Variants in OXR1 observed in about 807,000 individuals in gnomAD.
The protein encoded by OXR1 is oxidation resistance protein 1.
A neutral mutation model predicts 104.6 loss-of-function variants in OXR1; 41 were observed. That is an observed-to-expected ratio of 0.39 (90% CI 0.31 to 0.51). The LOEUF is 0.51. Among genes scored for constraint, OXR1 ranks in the 20% least tolerant of loss-of-function variants. OXR1 has a pLI of 0.77. For synonymous variants in OXR1, 348 were observed against 348.4 expected (o/e 1.00, Z 0.01); for missense variants, 955 against 1,031.9 (o/e 0.93, Z 1.02).
intron 2 of OXR1, among the ~76,000 whole-genome samples, chr8:106,481,773 C>T (rs1025937557): frequency 6.6e-6 from 1 of 151,966 alleles, no homozygotes; most frequent in Non-Finnish European, 1.5e-5. Context: ...AGTTTGATTC[C>T]TACTAGGTCG....
At chr8:106,738,640 A>G (rs553070730) in intron 12 of OXR1, among the ~76,000 whole-genome samples, 11 of 151,240 alleles carry the variant, frequency 7.3e-5, no homozygotes, top group African/African-American at 2.4e-4. Context: ...ATATATTAAA[A>G]TAAAATTAAT....
At chr8:106,270,987 C>T (rs1345440501) in intron 1 of OXR1, among the ~76,000 whole-genome samples, 1 of 152,046 alleles carries the variant, frequency 6.6e-6, no homozygotes, top group Non-Finnish European at 1.5e-5. Flanking sequence ...AATCTGTCTC[C>T]CGCTAGAGTA....
At chr8:106,477,400 A>G (rs562645446) in intron 2 of OXR1, among the ~76,000 whole-genome samples, 5 of 152,146 alleles carry the variant, frequency 3.3e-5, no homozygotes, top group African/African-American at 1.2e-4. Flanking sequence ...ATAGTAGTAC[A>G]GTACATACAT....
intron 3 of OXR1, among the ~76,000 whole-genome samples, chr8:106,588,929 G>A (rs2130680763): frequency 6.6e-6 from 1 of 152,304 alleles, no homozygotes; most frequent in East Asian, 1.9e-4. Flanking sequence ...TCATAACTTT[G>A]TAACCAAAAT....
At chr8:106,691,609 C>T (rs1829282854) in intron 6 of OXR1, among the ~76,000 whole-genome samples, 1 of 76,866 alleles carries the variant, frequency 1.3e-5, no homozygotes, top group South Asian at 4.2e-4. Context: ...ACAATGTGCA[C>T]ATATATATAC....
At chr8:106,282,528 C>A (rs1335085328) in intron 1 of OXR1, among the ~76,000 whole-genome samples, 1 of 152,066 alleles carries the variant, frequency 6.6e-6, no homozygotes, top group Non-Finnish European at 1.5e-5. Flanking sequence ...CTACTATTGA[C>A]CAGAAGCCTT....
At chr8:106,276,017 T>C (rs941384559) in intron 1 of OXR1, among the ~76,000 whole-genome samples, 1 of 152,248 alleles carries the variant, frequency 6.6e-6, no homozygotes, top group African/African-American at 2.4e-5. Flanking sequence ...CAGTCTTCTT[T>C]ATAAATAGTG....
intron 16 of OXR1, among the ~76,000 whole-genome samples, chr8:106,746,402 C>T (rs914007115): frequency 1.4e-5 from 1 of 69,430 alleles, no homozygotes; most frequent in Admixed American, 1.5e-4. Context: ...TATTTGGTAT[C>T]CCAGCCTCCT....
chr8:106,720,048 C>T (rs62514966), intron 11 of OXR1, among the ~76,000 whole-genome samples: 2,117 of 152,232 alleles, frequency 0.014, 26 homozygotes, highest in Non-Finnish European at 0.022. Flanking sequence ...CCTCATGATC[C>T]GCCTGCCTTG....
At chr8:106,624,373 G>A (rs1325100961) in intron 3 of OXR1, among the ~76,000 whole-genome samples, 2 of 152,166 alleles carry the variant, frequency 1.3e-5, no homozygotes, top group African/African-American at 2.4e-5. Flanking sequence ...CCTGGCTAAC[G>A]ATGGGGGCAT....
chr8:106,450,562 A>C (rs904872479), intron 2 of OXR1, among the ~76,000 whole-genome samples: 4 of 152,166 alleles, frequency 2.6e-5, no homozygotes, highest in African/African-American at 9.7e-5. Flanking sequence ...CATTCTCCCT[A>C]AGAGTCTGCT....
intron 7 of OXR1, among the ~76,000 whole-genome samples, chr8:106,701,914 T>C (rs562852478): frequency 9.8e-5 from 15 of 152,338 alleles, no homozygotes; most frequent in Admixed American, 3.3e-4. Context: ...CCTAGTTTGC[T>C]CATTTATAAA....
At chr8:106,583,639 A>G (rs1215769628) in intron 3 of OXR1, among the ~76,000 whole-genome samples, 3 of 152,218 alleles carry the variant, frequency 2.0e-5, no homozygotes, top group East Asian at 1.9e-4. Flanking sequence ...TTTGAAGGCA[A>G]TTTAGCAGAC....
At chr8:106,697,371 C>A in intron 7 of OXR1, 1 of 1,165,700 alleles carries the variant, frequency 8.6e-7, no homozygotes, top group Middle Eastern at 2.1e-4. Context: ...AAATATATAT[C>A]TACATGTATA....
At chr8:106,287,975 T>C (rs1228128176) in intron 1 of OXR1, among the ~76,000 whole-genome samples, 1 of 152,222 alleles carries the variant, frequency 6.6e-6, no homozygotes, top group Non-Finnish European at 1.5e-5. Flanking sequence ...TCCAAACTTC[T>C]GTGCGATGGA....
chr8:106,499,955 T>A lies in OXR1; in HGVS notation c.24-18988T>A, dbSNP rs1429328577. On this transcript the variant is annotated intron_variant, in intron 2 of 16. Coordinates refer to ENST00000517566, the MANE Select transcript of OXR1 (RefSeq NM_001198533.2). ...GTGGCCTGTGACGCTGAGAAGTGAA[T>A]GCTAAATATGTAGTCACTGAGCTTT... 2.0e-5 allele frequency among the ~76,000 whole-genome samples: 3 copies of A among 152,222 alleles called. No individual in the cohort carries two copies. In the East Asian group the frequency reaches 5.8e-4, roughly 29 times the overall value.
intron 2 of OXR1, among the ~76,000 whole-genome samples, chr8:106,504,155 G>C (rs1812000475): frequency 6.6e-6 from 1 of 152,186 alleles, no homozygotes; most frequent in South Asian, 2.1e-4. Flanking sequence ...GGCTAATGTT[G>C]CAGGAATGAT....
At chr8:106,581,596 C>T (rs187747051) in intron 3 of OXR1, among the ~76,000 whole-genome samples, 62 of 151,942 alleles carry the variant, frequency 4.1e-4, no homozygotes, top group African/African-American at 1.4e-3. Flanking sequence ...ATAGAAGCTT[C>T]TAGAAGTAAA....
intron 7 of OXR1, chr8:106,697,548 G>T: frequency 6.2e-6 from 10 of 1,611,524 alleles, no homozygotes; most frequent in Middle Eastern, 3.3e-4. Context: ...GATTCTCCTT[G>T]GATTTCTTAG....
Sources: allele counts gnomAD v4.1 joint callset (sites outside exome capture counted in the v4.1 genomes callset), GRCh38; gene constraint gnomAD v4.1.1; transcripts MANE v1.5; gene names NCBI Gene and HGNC (gene_info 2026-07-23, HGNC 2026-07-21).